MYRIP: variants seen among roughly 807,000 people sequenced by gnomAD.
MYRIP encodes the protein myosin VIIA and Rab interacting protein.
Under a neutral mutation model 98.0 loss-of-function variants are expected in MYRIP, and 49 were observed. The observed-to-expected ratio is 0.50, with a 90% confidence interval of 0.40 to 0.63. MYRIP has a LOEUF of 0.63. Among genes scored for constraint, MYRIP ranks in the 30% least tolerant of loss-of-function variants. MYRIP has a pLI of 0.00. For synonymous variants in MYRIP, 404 were observed against 409.5 expected, an observed-to-expected ratio of 0.99 and a Z score of 0.16; for missense variants, 1,004 against 1,058.2, an observed-to-expected ratio of 0.95 and a Z score of 0.71.
At chr3:39,855,117 C>G (rs183487633) in intron 1 of MYRIP, among the ~76,000 whole-genome samples, 1 of 152,300 alleles carries the variant, frequency 6.6e-6, no homozygotes, top group East Asian at 1.9e-4. Context: ...TTCTTGAATG[C>G]TGGTTATGCT....
chr3:40,154,138 C>A (rs1243086494), intron 4 of MYRIP, among the ~76,000 whole-genome samples: 19 of 138,336 alleles, frequency 1.4e-4, no homozygotes, highest in South Asian at 2.4e-4. Flanking sequence ...GATTCCGTCT[C>A]AAAAAAAAAA....
At chr3:40,201,864 T>C (rs1951570664) in intron 10 of MYRIP, among the ~76,000 whole-genome samples, 1 of 152,138 alleles carries the variant, frequency 6.6e-6, no homozygotes, top group East Asian at 1.9e-4. Context: ...CAGCAATGCA[T>C]TGGAAAAGGG....
intron 16 of MYRIP, among the ~76,000 whole-genome samples, chr3:40,256,542 AT>A (rs757178862): frequency 1.3e-5 from 2 of 152,108 alleles, no homozygotes; most frequent in Non-Finnish European, 2.9e-5. Context: ...GAAAAAAAAA[AT>A]ATTTTGTAAG....
At chr3:39,837,911 C>G (rs150405426) in intron 1 of MYRIP, among the ~76,000 whole-genome samples, 4,238 of 152,200 alleles carry the variant, frequency 0.028, 186 homozygotes, top group East Asian at 0.22. Flanking sequence ...GTTTGTAGTT[C>G]TCCTTGAAGA....
chr3:39,965,065 A>G (rs1945409396), intron 2 of MYRIP, among the ~76,000 whole-genome samples: 1 of 152,090 alleles, frequency 6.6e-6, no homozygotes, highest in Non-Finnish European at 1.5e-5. Flanking sequence ...AAAGTATTTA[A>G]TGTACAAGTA....
chr3:40,123,109 A>C (rs1198923289), intron 3 of MYRIP, among the ~76,000 whole-genome samples: 1 of 152,224 alleles, frequency 6.6e-6, no homozygotes, highest in East Asian at 1.9e-4. Flanking sequence ...GTAATGATTT[A>C]AATCCTATAG....
At chr3:39,941,489 ATGTG>A (rs139399674) in intron 2 of MYRIP, among the ~76,000 whole-genome samples, 6 of 147,156 alleles carry the variant, frequency 4.1e-5, no homozygotes, top group East Asian at 4.0e-4. Flanking sequence ...TTAAAAATGT[ATGTG>A]TGTGTGTGTG....
intron 11 of MYRIP, among the ~76,000 whole-genome samples, chr3:40,228,723 C>T (rs1952561834): frequency 6.6e-6 from 1 of 152,184 alleles, no homozygotes; most frequent in African/African-American, 2.4e-5. Flanking sequence ...TCCTTTTATC[C>T]TCAAAGCCTT....
At chr3:39,958,958 A>G (rs1316248387) in intron 2 of MYRIP, among the ~76,000 whole-genome samples, 1 of 152,220 alleles carries the variant, frequency 6.6e-6, no homozygotes, top group Admixed American at 6.5e-5. Context: ...AGAGAAATGC[A>G]AATCAAAACC....
At chr3:40,130,070 T>C (rs1042191754) in intron 3 of MYRIP, among the ~76,000 whole-genome samples, 1 of 152,208 alleles carries the variant, frequency 6.6e-6, no homozygotes, top group African/African-American at 2.4e-5. Context: ...TCTGATTCTT[T>C]GATTCACGCA....
At chr3:40,031,521 G>A (rs1027405081) in intron 2 of MYRIP, among the ~76,000 whole-genome samples, 2 of 152,128 alleles carry the variant, frequency 1.3e-5, no homozygotes, top group African/African-American at 4.8e-5. Context: ...AGCTGAAAAT[G>A]AGATGCCTGC....
intron 2 of MYRIP, among the ~76,000 whole-genome samples, chr3:39,942,872 T>C (rs1445639587): frequency 6.6e-6 from 1 of 152,162 alleles, no homozygotes; most frequent in Non-Finnish European, 1.5e-5. Flanking sequence ...TGAAATTCGC[T>C]TTTTAAACTC....
intron 10 of MYRIP, among the ~76,000 whole-genome samples, chr3:40,200,043 A>C (rs1951508637): frequency 6.6e-6 from 1 of 151,124 alleles, no homozygotes; most frequent in African/African-American, 2.4e-5. Flanking sequence ...GAATTGCTAG[A>C]AGTGCCTTCC....
At chr3:40,059,015 T>C (rs1194641766) in intron 3 of MYRIP, among the ~76,000 whole-genome samples, 1 of 150,164 alleles carries the variant, frequency 6.7e-6, no homozygotes, top group Non-Finnish European at 1.5e-5. Context: ...CTCCCACTTA[T>C]GAGTGAGAAC....
intron 11 of MYRIP, among the ~76,000 whole-genome samples, chr3:40,213,902 G>A (rs1249262204): frequency 6.6e-6 from 1 of 152,140 alleles, no homozygotes; most frequent in Non-Finnish European, 1.5e-5. Flanking sequence ...CTTTGCTTCG[G>A]TTGGGATGGT....
At chr3:39,870,053 G>T (rs1370535449) in intron 1 of MYRIP, among the ~76,000 whole-genome samples, 2 of 152,142 alleles carry the variant, frequency 1.3e-5, no homozygotes, top group African/African-American at 2.4e-5. Flanking sequence ...AGTATTTGGA[G>T]GGAACTGCAG....
chr3:40,161,250 A>T (rs1376218126), intron 4 of MYRIP, among the ~76,000 whole-genome samples: 2 of 152,178 alleles, frequency 1.3e-5, no homozygotes, highest in East Asian at 3.8e-4. Flanking sequence ...ATCATACTAA[A>T]TGACACCAAT....
intron 1 of MYRIP, chr3:39,810,668 A>G (rs1940652096): frequency 6.6e-6 from 1 of 152,214 alleles, no homozygotes; most frequent in South Asian, 2.1e-4. Context: ...GGCTTTTTGG[A>G]GCACTTGCTC....
At chr3:40,101,290 G>A (rs796482401) in intron 3 of MYRIP, among the ~76,000 whole-genome samples, 38 of 152,224 alleles carry the variant, frequency 2.5e-4, no homozygotes, top group African/African-American at 7.9e-4. Flanking sequence ...TGGTGTTGCT[G>A]TTGAGTCATT....
Sources: allele counts gnomAD v4.1 joint callset (sites outside exome capture counted in the v4.1 genomes callset), GRCh38; gene constraint gnomAD v4.1.1; transcripts MANE v1.5; gene names NCBI Gene and HGNC (gene_info 2026-07-23, HGNC 2026-07-21).